Variants in UBE2G1 observed in about 807,000 individuals in gnomAD.
UBE2G1 encodes the protein ubiquitin conjugating enzyme E2 G1.
In UBE2G1, 5 loss-of-function variants were observed where a neutral mutation model predicts 22.7. That is an observed-to-expected ratio of 0.22 (90% confidence interval 0.12 to 0.46). The LOEUF is 0.46. Among genes scored for constraint, UBE2G1 ranks in the 20% least tolerant of loss-of-function variants. The pLI is 0.99. For missense variants in UBE2G1, 88 were observed against 203.9 expected (o/e 0.43, Z 3.46); for synonymous variants, 74 against 67.5 (o/e 1.10, Z -0.47).
At chr17:4,299,105 A>T (rs1598185197) in intron 2 of UBE2G1, among the ~76,000 whole-genome samples, 1 of 152,372 alleles carries the variant, frequency 6.6e-6, no homozygotes, top group South Asian at 2.1e-4. Flanking sequence ...GTTAACAAAA[A>T]TAGAAAACAG....
chr17:4,363,017 G>A (rs1448300033), intron 1 of UBE2G1, among the ~76,000 whole-genome samples: 2 of 152,166 alleles, frequency 1.3e-5, no homozygotes, highest in Non-Finnish European at 2.9e-5. Flanking sequence ...CAGCAACTCT[G>A]AGGCCGAGGC....
intron 1 of UBE2G1, among the ~76,000 whole-genome samples, chr17:4,340,193 T>TA (rs1969695389): frequency 6.6e-6 from 1 of 152,154 alleles, no homozygotes; most frequent in African/African-American, 2.4e-5. Context: ...AATGTTGGGG[T>TA]AACAGGCATG....
At position 4,366,560 on chromosome 17, in the gene UBE2G1, A is replaced by T; in HGVS notation, c.-244T>A. On this transcript the variant is annotated 5_prime_UTR_variant, in exon 1 of 6. Transcript: ENST00000396981. ...GGGTGCCCGGGCTGCCGCGGCGCGC[A>T]CTGGGACTTCGCTCGCCCGCTTCCC... is the stretch of plus-strand genomic sequence containing the variant. 2.5e-6 allele frequency: 1 copy of T among 400,790 alleles called. No homozygotes were observed. Among genetic ancestry groups the T allele is most frequent in the Non-Finnish European group, 4.4e-6 (1 of 225,552 alleles). 24.8% of individuals were successfully genotyped at this position (400,790 alleles called of 1,614,324 possible).
chr17:4,335,342 C>T (rs564127918), intron 1 of UBE2G1: 1 of 152,108 alleles, frequency 6.6e-6, no homozygotes, highest in Non-Finnish European at 1.5e-5. Context: ...GGGAAAAAAA[C>T]AGTCAGGCTG....
At chr17:4,288,376 G>A (rs1003033557) in intron 4 of UBE2G1, among the ~76,000 whole-genome samples, 7 of 151,920 alleles carry the variant, frequency 4.6e-5, no homozygotes, top group Non-Finnish European at 1.0e-4. Flanking sequence ...ATAGGCGCCC[G>A]CCACCACGCC....
chr17:4,365,517 C>T (rs985446400), intron 1 of UBE2G1, among the ~76,000 whole-genome samples: 1 of 152,182 alleles, frequency 6.6e-6, no homozygotes, highest in African/African-American at 2.4e-5. Flanking sequence ...GCGGGCGCAG[C>T]TCCGGGGTTT....
intron 2 of UBE2G1, among the ~76,000 whole-genome samples, chr17:4,306,596 ATTTC>A (rs973914698): frequency 2.6e-4 from 39 of 152,184 alleles, no homozygotes; most frequent in African/African-American, 8.7e-4. Context: ...GAATACAGCC[ATTTC>A]TCCTGCTCCT....
chr17:4,350,903 G>A (rs1022431115), intron 1 of UBE2G1, among the ~76,000 whole-genome samples: 3 of 151,776 alleles, frequency 2.0e-5, no homozygotes, highest in Middle Eastern at 3.2e-3. Context: ...CATGGTGGCA[G>A]GCGCCTGTAG....
chr17:4,343,081 T>G (rs1023751989), intron 1 of UBE2G1, among the ~76,000 whole-genome samples: 6 of 152,228 alleles, frequency 3.9e-5, no homozygotes, highest in Non-Finnish European at 1.5e-5. Flanking sequence ...ACCATCTGTC[T>G]TCCCACAATA....
intron 5 of UBE2G1, among the ~76,000 whole-genome samples, chr17:4,275,762 A>G (rs1205545611): frequency 6.6e-6 from 1 of 152,194 alleles, no homozygotes; most frequent in South Asian, 2.1e-4. Flanking sequence ...ATACCAATTA[A>G]GTTTTCCCCA....
Position 4,307,385 on chromosome 17 carries a change from G to A in UBE2G1, c.47-262C>T, listed in dbSNP as rs76073694. On this transcript the variant is annotated intron_variant, in intron 1 of 5. Coordinates refer to ENST00000396981, the MANE Select transcript of UBE2G1 (RefSeq NM_003342.5). ...TTGTCATTCTAAGTGGCCCTACAGT[G>A]GTCTTTTAAGGAAGCTTGTTAAAAT... Among the ~76,000 whole-genome samples the A allele has an allele frequency of 5.3e-3, 804 of 152,196 alleles. 8 individuals carry two copies. Among genetic ancestry groups the A allele is most frequent in the African/African-American group, 0.019 (771 of 41,514 alleles).
In UBE2G1 at chr17:4,366,645, C is replaced by A. The variant is rs911672901; in HGVS notation, c.-329G>T. 7 of 254,594 alleles carry A rather than the reference C, an allele frequency of 2.7e-5. No homozygotes were observed. The highest frequency in any genetic ancestry group is 1.1e-4 in the Admixed American group (2 of 17,866). 15.8% of individuals were successfully genotyped at this position (254,594 alleles called of 1,614,324 possible). On this transcript the variant is annotated 5_prime_UTR_variant, in exon 1 of 6. Coordinates refer to ENST00000396981, the MANE Select transcript of UBE2G1 (RefSeq NM_003342.5). ...TCCCCCGCCACTGCCTCACTGCGCG[C>A]AGGGCCGCTCGGCGCAGGCGCGCTG...
chr17:4,328,104 T>G (rs1012152081), intron 1 of UBE2G1, among the ~76,000 whole-genome samples: 1 of 152,136 alleles, frequency 6.6e-6, no homozygotes, highest in Non-Finnish European at 1.5e-5. Context: ...ATCACCAAAA[T>G]TTCTTAGTTT....
chr17:4,285,894 T>C (rs1027818388), intron 4 of UBE2G1, among the ~76,000 whole-genome samples: 5 of 150,514 alleles, frequency 3.3e-5, no homozygotes, highest in Non-Finnish European at 7.4e-5. Flanking sequence ...GAGGTTGCAG[T>C]GAGCTGAGAT....
At position 4,366,447 on chromosome 17, in the gene UBE2G1, G is replaced by A; in HGVS notation, c.-131C>T. 1 of 910,168 alleles carries A rather than the reference G, an allele frequency of 1.1e-6. No homozygotes were observed. Among genetic ancestry groups the A allele is most frequent in the African/African-American group, 1.8e-5 (1 of 57,066 alleles). The allele number at this position is 910,168 out of a possible 1,614,324, so 56.4% of individuals were successfully genotyped here. On this transcript the variant is annotated 5_prime_UTR_variant, in exon 1 of 6. Transcript: ENST00000396981. ...CGGAGCGCCGGAGCCGAGGAAGGCC[G>A]GGCTGAGGCGGCGGGAGCGGCGCCT...
intron 1 of UBE2G1, among the ~76,000 whole-genome samples, chr17:4,322,143 C>G (rs550984370): frequency 7.2e-5 from 11 of 152,304 alleles, no homozygotes; most frequent in African/African-American, 2.6e-4. Context: ...AAAACTGGAA[C>G]AGGTAATACA....
chr17:4,340,265 G>A (rs907101320), intron 1 of UBE2G1, among the ~76,000 whole-genome samples: 8 of 152,088 alleles, frequency 5.3e-5, no homozygotes, highest in Non-Finnish European at 7.4e-5. Context: ...TGCATCCTCC[G>A]TCTTGCCCTA....
chr17:4,289,991 C>T (rs1169796816), intron 3 of UBE2G1, among the ~76,000 whole-genome samples: 1 of 152,108 alleles, frequency 6.6e-6, no homozygotes, highest in Non-Finnish European at 1.5e-5. Flanking sequence ...ATATACGACA[C>T]TCAAGAGGCC....
At chr17:4,346,323 C>T (rs1369026597) in intron 1 of UBE2G1, among the ~76,000 whole-genome samples, 4 of 152,050 alleles carry the variant, frequency 2.6e-5, no homozygotes, top group Non-Finnish European at 4.4e-5. Flanking sequence ...AGACTTATAC[C>T]GAAATAATCC....
Sources: gnomAD v4.1 joint callset for allele counts (sites outside exome capture counted in the v4.1 genomes callset) on GRCh38, gnomAD v4.1.1 for gene constraint, MANE v1.5 for transcripts, NCBI Gene and HGNC (gene_info 2026-07-23, HGNC 2026-07-21) for gene names.